The following DLC1 variants were observed in gnomAD, a reference collection of about 807,000 sequenced individuals.
The protein encoded by DLC1 is rho GTPase-activating protein 7.
In DLC1, 54 loss-of-function variants were observed where a neutral mutation model predicts 140.3. That is an observed-to-expected ratio of 0.38 (90% CI 0.31 to 0.48). The LOEUF is 0.48. Among genes scored for constraint, DLC1 ranks in the 20% least tolerant of loss-of-function variants. The probability of loss-of-function intolerance (pLI) is 0.96; values close to 1 mark genes in which losing one functional copy is unlikely to be tolerated. For synonymous variants in DLC1, 986 were observed against 728.1 expected, an observed-to-expected ratio of 1.35 and a Z score of -5.70; for missense variants, 2,536 against 1,907.0, an observed-to-expected ratio of 1.33 and a Z score of -6.14.
chr8:13,311,619 C>A (rs897724485), intron 4 of DLC1, among the ~76,000 whole-genome samples: 1 of 152,150 alleles, frequency 6.6e-6, no homozygotes. Context: ...CCCCTTAAAT[C>A]ACTGACTTTA....
At chr8:13,198,997 G>A (rs1827224166) in intron 5 of DLC1, among the ~76,000 whole-genome samples, 1 of 152,038 alleles carries the variant, frequency 6.6e-6, no homozygotes, top group African/African-American at 2.4e-5. Flanking sequence ...GATTACAGGT[G>A]TGAGCCACCG....
At chr8:13,225,764 C>T (rs1828768956) in intron 5 of DLC1, among the ~76,000 whole-genome samples, 3 of 151,668 alleles carry the variant, frequency 2.0e-5, no homozygotes, top group African/African-American at 2.4e-5. Flanking sequence ...TACAGGCACC[C>T]GCCACCACGC....
intron 7 of DLC1, among the ~76,000 whole-genome samples, chr8:13,107,890 C>T (rs531906901): frequency 3.0e-4 from 45 of 151,936 alleles, no homozygotes; most frequent in African/African-American, 1.1e-3. Context: ...TAAAAAAATA[C>T]AAAAAATTAG....
chr8:13,314,481 C>T (rs1832790770), intron 4 of DLC1, among the ~76,000 whole-genome samples: 1 of 151,882 alleles, frequency 6.6e-6, no homozygotes, highest in African/African-American at 2.4e-5. Context: ...TGTATTTTCA[C>T]TTAGTCTCTT....
chr8:13,197,921 A>G (rs1280791972), intron 5 of DLC1, among the ~76,000 whole-genome samples: 1 of 152,140 alleles, frequency 6.6e-6, no homozygotes, highest in Non-Finnish European at 1.5e-5. Context: ...GACTGATGAT[A>G]CATCCTTCTA....
intron 5 of DLC1, among the ~76,000 whole-genome samples, 153 bp from the exon 6 acceptor site, chr8:13,115,810 T>C (rs983940751): frequency 4.6e-5 from 7 of 152,162 alleles, no homozygotes; most frequent in African/African-American, 1.7e-4. Flanking sequence ...ATTCGAATGG[T>C]TTACATTTTG....
At chr8:13,175,572 A>T (rs937176007) in intron 5 of DLC1, among the ~76,000 whole-genome samples, 3 of 152,162 alleles carry the variant, frequency 2.0e-5, no homozygotes, top group Admixed American at 1.3e-4. Context: ...TTAAAAAAAT[A>T]ACTCTATAGA....
At chr8:13,567,996 T>C (rs1305048654) in intron 1 of DLC1, 2 of 1,476,300 alleles carry the variant, frequency 1.4e-6, no homozygotes. Flanking sequence ...TTACCATAAT[T>C]TCTACAGGCA....
Position 13,364,464 on chromosome 8 carries a change from A to T in DLC1, c.1314+29089T>A, listed in dbSNP as rs563105767. 8.1e-4 allele frequency among the ~76,000 whole-genome samples: 123 copies of T among 152,086 alleles called. 2 individuals are homozygous for T. The South Asian group carries it at 0.013, about 16-fold the overall frequency. The stretch of plus-strand genomic sequence containing the variant: ...CAGGCATGTGCCACCACGCCAGGCT[A>T]ATTTTGTATTTTTAGCAGAGACAGA... On this transcript the variant is annotated intron_variant, in intron 4 of 17. Transcript: ENST00000276297.
chr8:13,112,520 T>G (rs1475384269), intron 6 of DLC1, among the ~76,000 whole-genome samples: 2 of 152,176 alleles, frequency 1.3e-5, no homozygotes, highest in African/African-American at 2.4e-5. Context: ...TACATAAAAT[T>G]TAGTATCACA....
intron 2 of DLC1, among the ~76,000 whole-genome samples, chr8:13,464,092 G>A (rs926922001): frequency 2.0e-5 from 3 of 152,136 alleles, no homozygotes; most frequent in African/African-American, 7.2e-5. Context: ...TGAGGCCGGG[G>A]GAAACCAGCA....
chr8:13,398,083 A>G (rs1290947324), intron 3 of DLC1, among the ~76,000 whole-genome samples: 1 of 151,872 alleles, frequency 6.6e-6, no homozygotes. Context: ...GTGAGCCTAG[A>G]TTGCGCCACT....
chr8:13,416,468 A>G (rs1457525754), intron 2 of DLC1, among the ~76,000 whole-genome samples: 1 of 152,218 alleles, frequency 6.6e-6, no homozygotes, highest in African/African-American at 2.4e-5. Flanking sequence ...GAGTGCAGAC[A>G]TACAAAATAT....
At chr8:13,524,473 A>G (rs1802858590) in intron 1 of DLC1, among the ~76,000 whole-genome samples, 1 of 152,116 alleles carries the variant, frequency 6.6e-6, no homozygotes, top group Non-Finnish European at 1.5e-5. Flanking sequence ...TTCGCTATGT[A>G]TTTTAAAATT....
rs181919203 is a variant in DLC1 at position 13,324,849 on chromosome 8, G to A, written c.1315-19547C>T. 6.6e-5 allele frequency among the ~76,000 whole-genome samples: 10 copies of A among 151,230 alleles called. No homozygotes were observed. The East Asian group carries it at 9.7e-4, about 15-fold the overall frequency. Reference sequence around the variant, plus strand: ...TTCCTTTGAATCTTGAAGGTGTTTCGTGTGTGTGTGTGTGTCTGTCTGTAT... The same window carrying A: ...TTCCTTTGAATCTTGAAGGTGTTTCATGTGTGTGTGTGTGTCTGTCTGTAT... On this transcript the variant is annotated intron_variant, in intron 4 of 17. Transcript: ENST00000276297.
chr8:13,491,093 T>C (rs1377639011), intron 2 of DLC1, among the ~76,000 whole-genome samples: 12 of 147,804 alleles, frequency 8.1e-5, no homozygotes, highest in Non-Finnish European at 1.6e-4. Context: ...CATATTCAAA[T>C]TTAATATTTT....
intron 1 of DLC1, among the ~76,000 whole-genome samples, chr8:13,554,192 G>A (rs531521824): frequency 8.6e-5 from 13 of 151,858 alleles, no homozygotes; most frequent in Admixed American, 4.6e-4. Context: ...TCAGCCTCCC[G>A]AGTAGCTGGA....
chr8:13,203,227 T>C (rs909521570), intron 5 of DLC1, among the ~76,000 whole-genome samples: 2 of 152,206 alleles, frequency 1.3e-5, no homozygotes, highest in African/African-American at 2.4e-5. Flanking sequence ...CTATTTTAGG[T>C]TGGAAGATGC....
intron 2 of DLC1, among the ~76,000 whole-genome samples, chr8:13,429,374 G>A (rs1393340003): frequency 2.6e-5 from 4 of 152,222 alleles, no homozygotes; most frequent in South Asian, 2.1e-4. Flanking sequence ...TGCAATGTAA[G>A]TATCTGGCCA....
Sources: gnomAD v4.1 joint callset for allele counts (sites outside exome capture counted in the v4.1 genomes callset) on GRCh38, gnomAD v4.1.1 for gene constraint, MANE v1.5 for transcripts, NCBI Gene and HGNC (gene_info 2026-07-23, HGNC 2026-07-21) for gene names.